The following TOX variants were observed in gnomAD, a reference collection of about 807,000 sequenced individuals.
The protein encoded by TOX is thymocyte selection-associated high mobility group box protein TOX.
A neutral mutation model predicts 53.7 loss-of-function variants in TOX; 11 were observed. The observed-to-expected ratio is 0.20, with a 90% CI of 0.13 to 0.34. The LOEUF is 0.34. Ranked by LOEUF, TOX falls within the 10% of genes least tolerant of loss-of-function variation. The pLI is 1.00. For synonymous variants in TOX, 225 were observed against 245.3 expected (o/e 0.92, Z 0.77); for missense variants, 570 against 664.6 (o/e 0.86, Z 1.56).
In TOX at chr8:58,833,727, T is replaced by C. The variant is rs542608706; in HGVS notation, c.924+4354A>G. 3.9e-5 allele frequency among the ~76,000 whole-genome samples: 6 copies of C among 152,358 alleles called. No individual in the cohort carries two copies. In the East Asian group the frequency reaches 1.2e-3, roughly 29 times the overall value. On this transcript the variant is annotated intron_variant, in intron 5 of 8. Coordinates refer to ENST00000361421, the MANE Select transcript of TOX (RefSeq NM_014729.3). Reference sequence around the variant, plus strand: ...TTCTGAAATGGGCTCTCCATTGTCTTACGAGTCATTAGCATTTAAAACCCC... The same window carrying C: ...TTCTGAAATGGGCTCTCCATTGTCTCACGAGTCATTAGCATTTAAAACCCC...
At chr8:59,041,761 C>T (rs544946374) in intron 1 of TOX, among the ~76,000 whole-genome samples, 5 of 152,044 alleles carry the variant, frequency 3.3e-5, no homozygotes, top group Admixed American at 3.3e-4. Flanking sequence ...TGGATCTGCC[C>T]GTTATTACAA....
chr8:58,817,892 A>G (rs1172133365), intron 6 of TOX, among the ~76,000 whole-genome samples: 1 of 152,208 alleles, frequency 6.6e-6, no homozygotes, highest in Non-Finnish European at 1.5e-5. Flanking sequence ...TATATATAAC[A>G]TATTACTAGA....
At chr8:59,110,327 C>T (rs1225859209) in intron 1 of TOX, among the ~76,000 whole-genome samples, 1 of 152,046 alleles carries the variant, frequency 6.6e-6, no homozygotes, top group Admixed American at 6.6e-5. Context: ...TCTCTTAATA[C>T]AATTGTTACT....
chr8:59,038,871 G>A (rs1803519281), intron 1 of TOX, among the ~76,000 whole-genome samples: 1 of 152,214 alleles, frequency 6.6e-6, no homozygotes, highest in Admixed American at 6.5e-5. Context: ...CAGCAAAAAG[G>A]GACAGCGTCC....
chr8:59,055,335 C>G (rs889295569), intron 1 of TOX, among the ~76,000 whole-genome samples: 4 of 152,134 alleles, frequency 2.6e-5, no homozygotes, highest in Non-Finnish European at 5.9e-5. Context: ...TCTACCTGCT[C>G]CCCTCAAAGG....
At chr8:58,808,558 C>G (rs2129163574) in intron 7 of TOX, among the ~76,000 whole-genome samples, 1 of 152,320 alleles carries the variant, frequency 6.6e-6, no homozygotes, top group South Asian at 2.1e-4. Flanking sequence ...GAGGAGCCAA[C>G]TCAATCAAAA....
chr8:59,026,036 C>CA lies in TOX; in HGVS notation c.103-66029dup, dbSNP rs1205715704. 1.3e-5 allele frequency among the ~76,000 whole-genome samples: 2 copies of CA among 151,854 alleles called. 1 individual carries two copies. The highest frequency in any genetic ancestry group is 4.2e-4 in the South Asian group (2 of 4,816). On this transcript the variant is annotated intron_variant, in intron 1 of 8. Coordinates refer to ENST00000361421, the MANE Select transcript of TOX (RefSeq NM_014729.3). ...ATCGAGGTGCAAGTTTCAAGAGTGG[C>CA]AAAAAAATGAGACCAAGTTTATATG...
chr8:58,978,521 A>C (rs1215350230), intron 1 of TOX, among the ~76,000 whole-genome samples: 6 of 152,246 alleles, frequency 3.9e-5, no homozygotes, highest in Admixed American at 6.5e-5. Context: ...ACACATTCCC[A>C]GATGGAAAAT....
At chr8:59,038,309 T>A (rs78139958) in intron 1 of TOX, among the ~76,000 whole-genome samples, 3,321 of 152,322 alleles carry the variant, frequency 0.022, 84 homozygotes, top group South Asian at 0.087. Flanking sequence ...TAAACTTTCA[T>A]GAATCAAATA....
intron 5 of TOX, among the ~76,000 whole-genome samples, chr8:58,835,436 T>C (rs903865203): frequency 9.2e-5 from 14 of 152,026 alleles, no homozygotes; most frequent in Non-Finnish European, 2.1e-4. Context: ...CAGTTGAGAG[T>C]AGTGAATCTC....
At chr8:58,826,944 G>A in intron 5 of TOX, 42 bp from the exon 6 acceptor site, 1 of 1,574,742 alleles carries the variant, frequency 6.4e-7, no homozygotes. Flanking sequence ...AAGTGCATTT[G>A]CTTTTGTTTT....
intron 1 of TOX, among the ~76,000 whole-genome samples, chr8:58,964,311 AG>A (rs1341724107): frequency 6.6e-6 from 1 of 152,240 alleles, no homozygotes; most frequent in African/African-American, 2.4e-5. Context: ...TATGTGTATC[AG>A]AATAGGCGTA....
intron 3 of TOX, among the ~76,000 whole-genome samples, chr8:58,880,270 T>C (rs1374862335): frequency 6.6e-6 from 1 of 152,126 alleles, no homozygotes; most frequent in East Asian, 1.9e-4. Flanking sequence ...AAGCAATGAC[T>C]AAAGGGGAAA....
rs537428227 is a variant in TOX at position 59,003,732 on chromosome 8, A to C, written c.103-43724T>G. 2.0e-5 allele frequency among the ~76,000 whole-genome samples: 3 copies of C among 152,310 alleles called. No individual in the cohort carries two copies. In the South Asian group the frequency reaches 6.2e-4, roughly 32 times the overall value. ...AGTATATGTGGACTTTCTGGGAATC[A>C]TTTTTTATTATGAAAACCTTGATGT... On this transcript the variant is annotated intron_variant, in intron 1 of 8. Transcript: ENST00000361421.
chr8:58,973,566 G>A (rs1341586314), intron 1 of TOX, among the ~76,000 whole-genome samples: 3 of 152,116 alleles, frequency 2.0e-5, no homozygotes, highest in East Asian at 3.8e-4. Context: ...TATTCCTTGA[G>A]GTGTGAGGCT....
intron 2 of TOX, among the ~76,000 whole-genome samples, chr8:58,954,615 T>A (rs1812681047): frequency 6.6e-6 from 1 of 151,866 alleles, no homozygotes; most frequent in Non-Finnish European, 1.5e-5. Context: ...GCAGCAAAGA[T>A]GAGGAAAAGG....
intron 4 of TOX, among the ~76,000 whole-genome samples, chr8:58,843,919 G>C (rs533575301): frequency 6.6e-6 from 1 of 152,162 alleles, no homozygotes; most frequent in South Asian, 2.1e-4. Context: ...CCATTTTCAT[G>C]TCAGTAACGG....
At chr8:58,974,554 T>G (rs917319758) in intron 1 of TOX, among the ~76,000 whole-genome samples, 1 of 152,140 alleles carries the variant, frequency 6.6e-6, no homozygotes, top group South Asian at 2.1e-4. Flanking sequence ...GGTGTTTAGG[T>G]GTGGTGTTCA....
At position 58,844,576 on chromosome 8, in the gene TOX, T is replaced by C. The variant is rs189649375; in HGVS notation, c.694-6265A>G. ...GTCCTTCATAGCATCGGTACAGTGT[T>C]TTACATGCAATGGATCATTATACAT... is the stretch of plus-strand genomic sequence containing the variant. On this transcript the variant is annotated intron_variant, in intron 4 of 8. Coordinates refer to ENST00000361421, the MANE Select transcript of TOX (RefSeq NM_014729.3). 2.4e-4 allele frequency among the ~76,000 whole-genome samples: 36 copies of C among 152,250 alleles called. 2 individuals carry two copies. The highest frequency in any genetic ancestry group is 8.4e-4 in the African/African-American group (35 of 41,546).
Sources: gnomAD v4.1 joint callset for allele counts (sites outside exome capture counted in the v4.1 genomes callset) on GRCh38, gnomAD v4.1.1 for gene constraint, MANE v1.5 for transcripts, NCBI Gene and HGNC (gene_info 2026-07-23, HGNC 2026-07-21) for gene names.